The following USP9X variants were observed in gnomAD, a reference collection of about 807,000 sequenced individuals.
USP9X encodes ubiquitin carboxyl-terminal hydrolase 9X.
In USP9X, 7 loss-of-function variants were observed where a neutral mutation model predicts 190.3. The observed-to-expected ratio is 0.04, with a 90% confidence interval of 0.02 to 0.07. USP9X has a LOEUF of 0.07. USP9X is among the 10% of genes least tolerant of loss of function. The pLI is 1.00. For synonymous variants in USP9X, 645 were observed against 659.5 expected, an observed-to-expected ratio of 0.98 and a Z score of 0.34; for missense variants, 1,010 against 1,916.9, an observed-to-expected ratio of 0.53 and a Z score of 8.83.
chrX:41,173,115 CTT>C (rs971136870), intron 21 of USP9X, among the ~76,000 whole-genome samples: 15 of 111,081 alleles, frequency 1.4e-4, no homozygotes, highest in African/African-American at 4.9e-4. Context: ...CTGATTTTAC[CTT>C]TTCTCTCTTC....
At chrX:41,139,676 C>T (rs2062405424) in intron 6 of USP9X, among the ~76,000 whole-genome samples, 2 of 112,207 alleles carry the variant, frequency 1.8e-5, no homozygotes, top group Admixed American at 1.9e-4. Flanking sequence ...AAAAAACACA[C>T]AGAAAAAACT....
intron 27 of USP9X, 59 bp from the exon 28 acceptor site, chrX:41,196,533 T>TA: frequency 1.4e-5 from 16 of 1,182,255 alleles, no homozygotes; most frequent in Non-Finnish European, 1.8e-5. Flanking sequence ...TCTGGGTTTT[T>TA]AAAAAAGTGG....
intron 33 of USP9X, among the ~76,000 whole-genome samples, chrX:41,212,428 C>G (rs1440511916): frequency 1.5e-4 from 15 of 98,718 alleles, no homozygotes; most frequent in African/African-American, 5.3e-4. Flanking sequence ...GCCAAATCCC[C>G]CTCTGCAAGA....
At chrX:41,192,545 A>G (rs754219879) in intron 26 of USP9X, among the ~76,000 whole-genome samples, 18 of 112,314 alleles carry the variant, frequency 1.6e-4, no homozygotes, top group Non-Finnish European at 3.0e-4. Flanking sequence ...TAGTGCTTTC[A>G]GAGCAGAGCT....
At chrX:41,139,930 CTTATAT>C (rs2062407562) in intron 6 of USP9X, among the ~76,000 whole-genome samples, 1 of 111,581 alleles carries the variant, frequency 9.0e-6, no homozygotes, top group African/African-American at 3.3e-5. Context: ...ATATTTGATT[CTTATAT>C]TTATATAGCC....
chrX:41,146,551 C>G, intron 11 of USP9X, among the ~76,000 whole-genome samples: 1 of 110,661 alleles, frequency 9.0e-6, no homozygotes, highest in Non-Finnish European at 1.9e-5. Context: ...GAATTTTTGA[C>G]AATCTTCTTG....
chrX:41,148,170 A>G (rs2062487575), intron 11 of USP9X, among the ~76,000 whole-genome samples, 199 bp from the exon 12 acceptor site: 1 of 111,546 alleles, frequency 9.0e-6, no homozygotes, highest in Non-Finnish European at 1.9e-5. Flanking sequence ...GAAATAGTGT[A>G]TCATTTATTT....
intron 2 of USP9X, among the ~76,000 whole-genome samples, chrX:41,125,607 C>T (rs755462110): frequency 9.7e-6 from 1 of 102,843 alleles, no homozygotes; most frequent in African/African-American, 3.6e-5. Flanking sequence ...AAACAACTCT[C>T]TTGGCTTTAC....
intron 32 of USP9X, among the ~76,000 whole-genome samples, chrX:41,207,058 C>T (rs903768442): frequency 6.2e-5 from 6 of 97,180 alleles, no homozygotes; most frequent in Admixed American, 5.9e-4. Context: ...GGATTATAGG[C>T]ATGAGCTACT....
At chrX:41,165,754 A>T (rs770961356) in intron 15 of USP9X, 118 bp from the exon 16 acceptor site, 1 of 582,618 alleles carries the variant, frequency 1.7e-6, no homozygotes, top group East Asian at 3.7e-5. Flanking sequence ...AAGAATGAAT[A>T]TCTTTTTATC....
chrX:41,192,140 G>A (rs919576112), intron 26 of USP9X, among the ~76,000 whole-genome samples: 3 of 111,897 alleles, frequency 2.7e-5, no homozygotes, highest in African/African-American at 9.8e-5. Flanking sequence ...GAAAATATGA[G>A]CATGTTGCTT....
rs751924571 is a variant in USP9X at position 41,225,038 on chromosome X, C to A, written c.6973-11C>A. On this transcript the variant is annotated splice_polypyrimidine_tract_variant and intron_variant, in intron 40 of 44. Coordinates refer to ENST00000378308, the MANE Select transcript of USP9X (RefSeq NM_001039591.3). ...TCATTAAGTTACTCACCATGTCTTA[C>A]TTGTTTTTAGGTTGCATATTCCTAT... 5.8e-6 allele frequency: 7 copies of A among 1,210,648 alleles called. No individual in the cohort carries two copies. The Admixed American group carries it at 1.5e-4, about 26-fold the overall frequency.
intron 1 of USP9X, among the ~76,000 whole-genome samples, chrX:41,103,613 AATTT>A (rs768167777): frequency 1.8e-5 from 2 of 112,404 alleles, no homozygotes; most frequent in Non-Finnish European, 3.8e-5. Context: ...TCCATTTATA[AATTT>A]ATTTTAGTTT....
intron 31 of USP9X, 114 bp from the exon 32 acceptor site, chrX:41,205,189 G>C: frequency 1.8e-6 from 1 of 562,188 alleles, no homozygotes; most frequent in East Asian, 3.9e-5. Context: ...ATTGAAAAGT[G>C]CTTTGGAAAT....
chrX:41,232,324 T>C, intron 44 of USP9X, 63 bp from the exon 45 acceptor site: 1 of 1,132,947 alleles, frequency 8.8e-7, no homozygotes, highest in Non-Finnish European at 1.2e-6. Context: ...CTTCAGACCA[T>C]GATTTTGAAG....
In USP9X at chrX:41,201,079, G is replaced by A. The variant is rs1362616608; in HGVS notation, c.4623G>A (p.Glu1541=). Residue 1541 remains glutamate, a synonymous_variant, in exon 31 of 45, where the codon GAG becomes GAA. Transcript: ENST00000378308. ...TAITTCEALT[E]WEYLPPVGPR... ...TCTCAGCTTGTGAAGCACTTACTGA[G>A]TGGGAATATCTGCCACCTGTTGGAC... The A allele has an allele frequency of 8.3e-7, 1 of 1,211,497 alleles. No homozygotes were observed. The highest frequency in any genetic ancestry group is 1.1e-6 in the Non-Finnish European group (1 of 895,486).
intron 29 of USP9X, 132 bp from the exon 30 acceptor site, chrX:41,198,395 TC>T: frequency 3.1e-6 from 1 of 322,684 alleles, no homozygotes; most frequent in Non-Finnish European, 5.0e-6. Flanking sequence ...TATTAGAAAA[TC>T]TGAGTTTTCT....
intron 33 of USP9X, among the ~76,000 whole-genome samples, chrX:41,212,707 A>G (rs896868774): frequency 3.6e-5 from 4 of 111,432 alleles, no homozygotes; most frequent in Non-Finnish European, 5.6e-5. Flanking sequence ...AGTATTTTCT[A>G]CAATCCAAAC....
At chrX:41,112,831 T>G (rs2062119988) in intron 1 of USP9X, among the ~76,000 whole-genome samples, 1 of 112,610 alleles carries the variant, frequency 8.9e-6, no homozygotes, top group Non-Finnish European at 1.9e-5. Flanking sequence ...AATATTAGAG[T>G]CAAGATTATC....
Sources: allele counts gnomAD v4.1 joint callset (sites outside exome capture counted in the v4.1 genomes callset), GRCh38; gene constraint gnomAD v4.1.1; transcripts MANE v1.5; gene names NCBI Gene and HGNC (gene_info 2026-07-23, HGNC 2026-07-21).